TPD52L1: variants seen among roughly 807,000 people sequenced by gnomAD.
TPD52L1 encodes tumor protein D53.
A neutral mutation model predicts 28.7 loss-of-function variants in TPD52L1; 18 were observed. That is an observed-to-expected ratio of 0.63 (90% CI 0.43 to 0.93). The LOEUF is 0.93. Among genes scored for constraint, TPD52L1 ranks in the 40% least tolerant of loss-of-function variants. The probability of loss-of-function intolerance (pLI) is 0.00; values close to 1 mark genes in which losing one functional copy is unlikely to be tolerated. For synonymous variants in TPD52L1, 75 were observed against 88.8 expected, an observed-to-expected ratio of 0.84 and a Z score of 0.88; for missense variants, 203 against 254.8, an observed-to-expected ratio of 0.80 and a Z score of 1.39.
chr6:125,154,262 C>T, intron 1 of TPD52L1: 1 of 1,224,734 alleles, frequency 8.2e-7, no homozygotes, highest in Admixed American at 4.3e-5. Flanking sequence ...CCCTGGCCTT[C>T]CCAACCTCGC....
In TPD52L1 at chr6:125,263,535, G is replaced by A. The variant is rs1798173126; in HGVS notation, c.*573G>A. The A allele has an allele frequency of 6.6e-6, 1 of 152,284 alleles. No homozygotes were observed. The highest frequency in any genetic ancestry group is 1.5e-5 in the Non-Finnish European group (1 of 68,090). The allele number at this position is 152,284 out of a possible 1,614,324, so 9.4% of individuals were successfully genotyped here. A position where few individuals can be genotyped will look rare whatever the true frequency, so the allele number is the denominator to read the frequency against. On this transcript the variant is annotated 3_prime_UTR_variant, in exon 7 of 7. Transcript: ENST00000534000. The stretch of plus-strand genomic sequence containing the variant: ...AATTTCTTTGTCTTAAAAGTTGCTA[G>A]TTATGATTTTACAGATGCAATTTTA...
chr6:125,228,235 GGGA>G (rs1795733877), intron 2 of TPD52L1, among the ~76,000 whole-genome samples: 1 of 152,064 alleles, frequency 6.6e-6, no homozygotes, highest in Non-Finnish European at 1.5e-5. Context: ...AGAAGAGGGA[GGGA>G]GGAAGAAGAA....
At chr6:125,231,777 G>T (rs1400225486) in intron 3 of TPD52L1, among the ~76,000 whole-genome samples, 2 of 152,194 alleles carry the variant, frequency 1.3e-5, no homozygotes, top group East Asian at 3.9e-4. Context: ...GCTACTGAGT[G>T]AGTGTTGGAA....
chr6:125,263,936 G>T lies in TPD52L1; in HGVS notation c.*974G>T, dbSNP rs575076068. The T allele has an allele frequency of 6.4e-4, 98 of 152,228 alleles. No homozygotes were observed. The highest frequency in any genetic ancestry group is 2.3e-3 in the African/African-American group (95 of 41,518). The allele number at this position is 152,228 out of a possible 1,614,324, so 9.4% of individuals were successfully genotyped here. ...GGATATGAAAATAAATATTACCTCA[G>T]CTATCCTAGGATGTTAAAATAATCT... On this transcript the variant is annotated 3_prime_UTR_variant, in exon 7 of 7. Transcript: ENST00000534000.
rs1169584570 is a variant in TPD52L1, at chr6:125,245,928, G to A, written c.285-2354G>A. On this transcript the variant is annotated intron_variant, in intron 3 of 6. Transcript: ENST00000534000. ...AGCTCCTGCCCTCATATCTGCAGCA[G>A]TTTCCACTCACCCCCCAGATTCTGC... Among the ~76,000 whole-genome samples, 5 of 152,292 alleles carry A rather than the reference G, an allele frequency of 3.3e-5. No homozygotes were observed. In the South Asian group the frequency reaches 8.3e-4, roughly 25 times the overall value.
chr6:125,188,001 A>G (rs1472106385), intron 1 of TPD52L1, among the ~76,000 whole-genome samples: 3 of 152,032 alleles, frequency 2.0e-5, no homozygotes, highest in Non-Finnish European at 4.4e-5. Flanking sequence ...GAGCATTTAC[A>G]TTTAAGAATA....
At chr6:125,259,226 C>T (rs1201250790) in intron 6 of TPD52L1, among the ~76,000 whole-genome samples, 1 of 152,134 alleles carries the variant, frequency 6.6e-6, no homozygotes, top group Non-Finnish European at 1.5e-5. Context: ...GCCCTGCTTT[C>T]AATTTGATTT....
intron 3 of TPD52L1, among the ~76,000 whole-genome samples, chr6:125,239,678 G>A (rs1190478753): frequency 2.0e-5 from 3 of 152,000 alleles, no homozygotes; most frequent in African/African-American, 4.8e-5. Flanking sequence ...TTTTTGATGG[G>A]GTTGTTTTGT....
chr6:125,182,604 AT>A (rs1781879089), intron 1 of TPD52L1, among the ~76,000 whole-genome samples: 1 of 152,178 alleles, frequency 6.6e-6, no homozygotes. Context: ...AAAAGGGGAC[AT>A]TTAGTTAACT....
chr6:125,216,325 G>C (rs959990546), intron 1 of TPD52L1, among the ~76,000 whole-genome samples: 1 of 151,876 alleles, frequency 6.6e-6, no homozygotes, highest in Non-Finnish European at 1.5e-5. Flanking sequence ...AAGTCATCGT[G>C]AAGCACCTAA....
chr6:125,171,919 G>A (rs891313707), intron 1 of TPD52L1, among the ~76,000 whole-genome samples: 1 of 151,068 alleles, frequency 6.6e-6, no homozygotes. Flanking sequence ...TGAGAGGAGA[G>A]GATGGGATGT....
At chr6:125,257,043 G>A in intron 5 of TPD52L1, 55 bp from the exon 6 acceptor site, 1 of 1,499,362 alleles carries the variant, frequency 6.7e-7, no homozygotes, top group Non-Finnish European at 9.1e-7. Flanking sequence ...CAAACAGCAT[G>A]GTTGCTAAGA....
chr6:125,156,865 C>T (rs1233014964), intron 1 of TPD52L1, among the ~76,000 whole-genome samples: 1 of 152,166 alleles, frequency 6.6e-6, no homozygotes, highest in East Asian at 1.9e-4. Context: ...GGATGACCAG[C>T]TTCCTACTTG....
chr6:125,181,156 T>A (rs1463091057), intron 1 of TPD52L1, among the ~76,000 whole-genome samples: 1 of 152,128 alleles, frequency 6.6e-6, no homozygotes, highest in Non-Finnish European at 1.5e-5. Flanking sequence ...ATTTATTTTA[T>A]TTACTTATAT....
intron 1 of TPD52L1, among the ~76,000 whole-genome samples, chr6:125,196,976 C>T (rs1362959062): frequency 4.6e-5 from 7 of 152,244 alleles, no homozygotes; most frequent in African/African-American, 1.7e-4. Flanking sequence ...CTGGCCGGAT[C>T]TGTGCCTTTC....
intron 3 of TPD52L1, among the ~76,000 whole-genome samples, chr6:125,236,583 G>T (rs933702774): frequency 6.6e-6 from 1 of 151,972 alleles, no homozygotes; most frequent in Non-Finnish European, 1.5e-5. Context: ...TTAAATATTG[G>T]GTCTAATTGT....
chr6:125,188,573 T>C (rs956933610), intron 1 of TPD52L1, among the ~76,000 whole-genome samples: 1 of 152,220 alleles, frequency 6.6e-6, no homozygotes, highest in African/African-American at 2.4e-5. Flanking sequence ...TGTGTGCATA[T>C]AAAATAATGA....
intron 1 of TPD52L1, among the ~76,000 whole-genome samples, chr6:125,213,634 C>T (rs755357704): frequency 6.6e-6 from 1 of 152,112 alleles, no homozygotes; most frequent in Non-Finnish European, 1.5e-5. Context: ...TCCCTAAGAA[C>T]CATGAGAAGT....
chr6:125,217,936 A>G (rs1270345254), intron 1 of TPD52L1, among the ~76,000 whole-genome samples: 1 of 152,012 alleles, frequency 6.6e-6, no homozygotes, highest in East Asian at 1.9e-4. Context: ...TCATTTTGCT[A>G]TTGTCCAGTC....
Sources: allele counts gnomAD v4.1 joint callset (sites outside exome capture counted in the v4.1 genomes callset), GRCh38; gene constraint gnomAD v4.1.1; transcripts MANE v1.5; gene names NCBI Gene and HGNC (gene_info 2026-07-23, HGNC 2026-07-21).